Variants in STOX1 observed in about 807,000 individuals in gnomAD.
STOX1 encodes the protein storkhead box 1.
STOX1 carries 57 observed loss-of-function variants against 74.8 expected under a neutral mutation model. That is an observed-to-expected ratio of 0.76 (90% CI 0.62 to 0.95). The LOEUF (loss-of-function observed/expected upper bound fraction) is 0.95. Among genes scored for constraint, STOX1 ranks in the 40% least tolerant of loss-of-function variants. The pLI is 0.00. For missense variants in STOX1, 1,010 were observed against 1,117.0 expected (o/e 0.90, Z 1.37); for synonymous variants, 375 against 401.3 (o/e 0.93, Z 0.78).
chr10:68,869,401 A>G (rs771354623), intron 1 of STOX1, among the ~76,000 whole-genome samples: 1 of 152,228 alleles, frequency 6.6e-6, no homozygotes, highest in Non-Finnish European at 1.5e-5. Flanking sequence ...AATGGTAGCC[A>G]TTCGTTAAAT....
At chr10:68,850,349 C>T (rs1315109003) in intron 1 of STOX1, among the ~76,000 whole-genome samples, 1 of 152,162 alleles carries the variant, frequency 6.6e-6, no homozygotes, top group Non-Finnish European at 1.5e-5. Context: ...TCTAGCCCTG[C>T]AGTTGGCCAT....
chr10:68,877,115 G>A (rs1412910613), intron 1 of STOX1, among the ~76,000 whole-genome samples: 1 of 152,152 alleles, frequency 6.6e-6, no homozygotes, highest in Non-Finnish European at 1.5e-5. Context: ...CTTTCTCTAG[G>A]CTTTGTCTAG....
At position 68,884,720 on chromosome 10, in the gene STOX1, C is replaced by G; in HGVS notation, c.924C>G (p.Gly308=). 1 of 1,614,106 alleles carries G rather than the reference C, an allele frequency of 6.2e-7. No homozygotes were observed. The highest frequency in any genetic ancestry group is 8.5e-7 in the Non-Finnish European group (1 of 1,180,010). Reference sequence around the variant, plus strand: ...CATACACAAGAGATAAAGAAAAAGGCAAGAAGTTTGGTTTTAGTCTCTTAT... The same window carrying G: ...CATACACAAGAGATAAAGAAAAAGGGAAGAAGTTTGGTTTTAGTCTCTTAT... The part of the protein sequence containing the change: ...PLPYTRDKEK[G]KKFGFSLLWR... The change falls in exon 3 of 4, where the codon GGC becomes GGG. Residue 308 remains glycine, a synonymous_variant. Coordinates refer to ENST00000298596, the MANE Select transcript of STOX1 (RefSeq NM_152709.5).
chr10:68,852,065 TG>T (rs1241617883), intron 1 of STOX1, among the ~76,000 whole-genome samples: 2 of 151,896 alleles, frequency 1.3e-5, no homozygotes, highest in East Asian at 3.9e-4. Flanking sequence ...ACCTGGGATG[TG>T]GAGGTTGCAG....
At chr10:68,864,514 TTTCCAGGA>T (rs1840353883) in intron 1 of STOX1, among the ~76,000 whole-genome samples, 1 of 152,218 alleles carries the variant, frequency 6.6e-6, no homozygotes, top group Non-Finnish European at 1.5e-5. Flanking sequence ...GACAATAATT[TTTCCAGGA>T]TCATATCCAT....
downstream of STOX1, among the ~76,000 whole-genome samples, chr10:68,894,671 G>A (rs569964208): frequency 6.6e-6 from 1 of 152,158 alleles, no homozygotes; most frequent in Non-Finnish European, 1.5e-5. Context: ...AGTTTTAGGG[G>A]GGTCTCACAG....
chr10:68,860,564 TG>T (rs1840241150), intron 1 of STOX1, among the ~76,000 whole-genome samples: 1 of 106,052 alleles, frequency 9.4e-6, no homozygotes, highest in Admixed American at 1.1e-4. Context: ...AGTGAGACTC[TG>T]TCTCAAAAAA....
At chr10:68,849,868 A>T (rs1364028156) in intron 1 of STOX1, among the ~76,000 whole-genome samples, 1 of 152,116 alleles carries the variant, frequency 6.6e-6, no homozygotes, top group African/African-American at 2.4e-5. Flanking sequence ...TCTTCTCCTA[A>T]ACTTACCATT....
chr10:68,827,843 CG>C lies in STOX1; in HGVS notation c.221del (p.Arg74ProfsTer38). 4.0e-6 allele frequency: 1 copy of C among 251,592 alleles called. No individual in the cohort carries two copies. The highest frequency in any genetic ancestry group is 5.0e-6 in the Non-Finnish European group (1 of 199,064). 15.6% of individuals were successfully genotyped at this position (251,592 alleles called of 1,614,324 possible). ...GWLRRGVLLVRAPPACLQVLR... is the reference protein window; with the variant it reads ...GWLRRGVLLVXAPPACLQVLR... ...GCTGCGGCGGGGGGTGCTGCTGGTG[CG>C]CGCGCCCCCCGCCTGCCTGCAGGTG... On this transcript the variant is annotated frameshift_variant, in exon 1 of 4. Coordinates refer to ENST00000298596, the MANE Select transcript of STOX1 (RefSeq NM_152709.5). LOFTEE classifies it high-confidence loss of function.
At chr10:68,856,801 C>A (rs1438159210) in intron 1 of STOX1, among the ~76,000 whole-genome samples, 2 of 152,114 alleles carry the variant, frequency 1.3e-5, no homozygotes, top group Non-Finnish European at 2.9e-5. Flanking sequence ...ACCTAAAGCT[C>A]ATCTCTAAGA....
At chr10:68,851,778 T>G (rs1398484691) in intron 1 of STOX1, among the ~76,000 whole-genome samples, 2 of 151,598 alleles carry the variant, frequency 1.3e-5, no homozygotes, top group African/African-American at 2.4e-5. Flanking sequence ...GAGGTGGAGG[T>G]TGTAGTGAAC....
chr10:68,864,241 C>T (rs934107989), intron 1 of STOX1, among the ~76,000 whole-genome samples: 30 of 152,112 alleles, frequency 2.0e-4, no homozygotes, highest in Admixed American at 2.6e-4. Context: ...GCTTTTTGAG[C>T]TGAAGTATAG....
chr10:68,852,250 T>A (rs1840005044), intron 1 of STOX1, among the ~76,000 whole-genome samples: 1 of 88,818 alleles, frequency 1.1e-5, no homozygotes, highest in East Asian at 2.7e-4. Flanking sequence ...CTCTTACTGC[T>A]TTTTTTTTTT....
chr10:68,853,301 C>T (rs1211756682), intron 1 of STOX1, among the ~76,000 whole-genome samples: 1 of 152,134 alleles, frequency 6.6e-6, no homozygotes, highest in African/African-American at 2.4e-5. Flanking sequence ...ACTTATTCAG[C>T]TATTGCCTGC....
intron 1 of STOX1, among the ~76,000 whole-genome samples, chr10:68,867,029 C>T (rs1488536467): frequency 6.8e-6 from 1 of 147,096 alleles, no homozygotes; most frequent in Non-Finnish European, 1.5e-5. Flanking sequence ...ACTGCAAGCT[C>T]CGCCTCCCGG....
chr10:68,866,159 T>G (rs1361317819), intron 1 of STOX1, among the ~76,000 whole-genome samples: 2 of 152,128 alleles, frequency 1.3e-5, no homozygotes, highest in African/African-American at 4.8e-5. Context: ...CTCTCCCCCA[T>G]AAATTTATAG....
intron 3 of STOX1, among the ~76,000 whole-genome samples, chr10:68,886,918 C>CAA (rs1199871223): frequency 1.7e-5 from 2 of 115,374 alleles, no homozygotes; most frequent in Non-Finnish European, 1.9e-5. Context: ...GACTCTGCCT[C>CAA]AAAAAAAAAA....
rs1163089173 is a variant in STOX1, at chr10:68,886,165, A to T, written c.2369A>T (p.Glu790Val). The change falls in exon 3 of 4, where the codon GAG (glutamate) becomes GTG (valine). Residue 790 changes from glutamate to valine, a missense_variant. By Grantham distance (121) the Glu-to-Val change is moderately radical (BLOSUM62 -2). Coordinates refer to ENST00000298596, the MANE Select transcript of STOX1 (RefSeq NM_152709.5). ...TACAACAGCACAATGGAGAGGGTTG[A>T]GTCTCAGGTGCTTAAAAGAAATGAA... ...TEYNSTMERVESQVLKRNECY... is the reference protein window; with the variant it reads ...TEYNSTMERVVSQVLKRNECY... 1.2e-6 allele frequency: 2 copies of T among 1,614,190 alleles called. No homozygotes were observed. Among genetic ancestry groups the T allele is most frequent in the Non-Finnish European group, 8.5e-7 (1 of 1,180,016 alleles).
intron 3 of STOX1, among the ~76,000 whole-genome samples, chr10:68,890,874 A>T (rs1419980394): frequency 2.0e-5 from 3 of 151,490 alleles, no homozygotes; most frequent in Non-Finnish European, 4.4e-5. Context: ...CTGGTCTCAA[A>T]CTCCTGACCT....
Sources: gnomAD v4.1 joint callset for allele counts (sites outside exome capture counted in the v4.1 genomes callset) on GRCh38, gnomAD v4.1.1 for gene constraint, MANE v1.5 for transcripts, NCBI Gene and HGNC (gene_info 2026-07-23, HGNC 2026-07-21) for gene names.